The following CNTN5 variants were observed in gnomAD, a reference collection of about 807,000 sequenced individuals.
CNTN5 encodes the protein contactin 5.
CNTN5 carries 77 observed loss-of-function variants against 129.1 expected under a neutral mutation model. That is an observed-to-expected ratio of 0.60 (90% CI 0.50 to 0.72). The LOEUF is 0.72. CNTN5 is among the 30% of genes least tolerant of loss of function. The probability of loss-of-function intolerance (pLI) is 0.00; values close to 1 mark genes in which losing one functional copy is unlikely to be tolerated. For missense variants in CNTN5, 1,478 were observed against 1,328.8 expected (o/e 1.11, Z -1.75); for synonymous variants, 509 against 465.6 (o/e 1.09, Z -1.20).
chr11:100,148,397 A>G (rs1157602387), intron 13 of CNTN5, among the ~76,000 whole-genome samples: 1 of 152,216 alleles, frequency 6.6e-6, no homozygotes, highest in Non-Finnish European at 1.5e-5. Flanking sequence ...CTCATGTTTC[A>G]ATGTGAAAGA....
chr11:99,331,844 A>G (rs1866011884), intron 2 of CNTN5, among the ~76,000 whole-genome samples: 1 of 152,130 alleles, frequency 6.6e-6, no homozygotes, highest in African/African-American at 2.4e-5. Flanking sequence ...TTGAATTAAC[A>G]AAAGGAATAG....
chr11:99,054,822 A>G (rs1355685392), intron 1 of CNTN5, among the ~76,000 whole-genome samples: 1 of 151,920 alleles, frequency 6.6e-6, no homozygotes, highest in Non-Finnish European at 1.5e-5. Flanking sequence ...CTTGAATAAT[A>G]TGTTTTTCTA....
intron 21 of CNTN5, among the ~76,000 whole-genome samples, chr11:100,332,124 T>A (rs1951917982): frequency 6.6e-6 from 1 of 151,888 alleles, no homozygotes; most frequent in South Asian, 2.1e-4. Flanking sequence ...AAGATCCAAA[T>A]AAGTTCAATT....
intron 6 of CNTN5, among the ~76,000 whole-genome samples, chr11:99,910,319 T>C (rs1241450826): frequency 6.6e-6 from 1 of 152,084 alleles, no homozygotes; most frequent in African/African-American, 2.4e-5. Context: ...CATTCAACAC[T>C]CACATTTTTA....
At chr11:99,628,219 TTAG>T (rs894660084) in intron 3 of CNTN5, among the ~76,000 whole-genome samples, 11 of 148,670 alleles carry the variant, frequency 7.4e-5, no homozygotes, top group African/African-American at 2.3e-4. Context: ...ACTAGGAAAC[TTAG>T]TAGTAGTATT....
intron 7 of CNTN5, among the ~76,000 whole-genome samples, chr11:99,934,037 T>C (rs1950252149): frequency 6.6e-6 from 1 of 152,246 alleles, no homozygotes; most frequent in African/African-American, 2.4e-5. Context: ...TATCATTCTA[T>C]GTTTGAAAAT....
intron 15 of CNTN5, among the ~76,000 whole-genome samples, chr11:100,202,828 C>T (rs1948814407): frequency 6.6e-6 from 1 of 151,954 alleles, no homozygotes; most frequent in Non-Finnish European, 1.5e-5. Context: ...CTAATGAAGA[C>T]CTGAGCAACA....
chr11:99,220,023 A>C (rs376534626), intron 1 of CNTN5, among the ~76,000 whole-genome samples: 1 of 151,998 alleles, frequency 6.6e-6, no homozygotes, highest in Non-Finnish European at 1.5e-5. Context: ...GAAAATGGCA[A>C]TACATAGATC....
At chr11:99,358,160 C>T (rs1284652591) in intron 2 of CNTN5, among the ~76,000 whole-genome samples, 1 of 138,380 alleles carries the variant, frequency 7.2e-6, no homozygotes, top group Non-Finnish European at 1.6e-5. Context: ...GCGATCTCGG[C>T]TCACTGCAAG....
intron 3 of CNTN5, among the ~76,000 whole-genome samples, chr11:99,628,611 G>GACACACACACACAC (rs10607009): frequency 2.0e-5 from 3 of 147,146 alleles, no homozygotes; most frequent in Non-Finnish European, 4.5e-5. Context: ...GCTAAATAAT[G>GACACACACACACAC]ACACACACAC....
Position 99,021,188 on chromosome 11 carries a change from C to G in CNTN5, c.-292C>G, listed in dbSNP as rs1862856605. ...CAAAGGACCCGAGGAACCGCTCTCT[C>G]TGAACTGTGCTGATGGGCAGGAGGA... On this transcript the variant is annotated 5_prime_UTR_variant, in exon 1 of 25. Transcript: ENST00000524871. 6.6e-6 allele frequency: 1 copy of G among 152,460 alleles called. No homozygotes were observed. The highest frequency in any genetic ancestry group is 2.4e-5 in the African/African-American group (1 of 41,458). The allele number at this position is 152,460 out of a possible 1,614,324, so 9.4% of individuals were successfully genotyped here. A position where few individuals can be genotyped will look rare whatever the true frequency, so the allele number is the denominator to read the frequency against.
At chr11:99,990,453 T>TACACAC (rs550501632) in intron 8 of CNTN5, among the ~76,000 whole-genome samples, 8,904 of 143,930 alleles carry the variant, frequency 0.062, 565 homozygotes, top group African/African-American at 0.16. Context: ...AATATATATA[T>TACACAC]ATACACACAC....
intron 1 of CNTN5, among the ~76,000 whole-genome samples, chr11:99,053,316 T>C (rs141472750): frequency 7.9e-5 from 12 of 152,022 alleles, no homozygotes; most frequent in Non-Finnish European, 1.2e-4. Context: ...TCGACTTTCA[T>C]AGGAAAGAAA....
At chr11:100,103,340 T>C (rs1024654574) in intron 13 of CNTN5, among the ~76,000 whole-genome samples, 3 of 152,154 alleles carry the variant, frequency 2.0e-5, no homozygotes, top group Admixed American at 1.3e-4. Flanking sequence ...CTGATTCTAG[T>C]ATTTTGCCTA....
intron 2 of CNTN5, among the ~76,000 whole-genome samples, chr11:99,462,360 CTTTTT>C (rs72276833): frequency 1.6e-5 from 2 of 125,278 alleles, no homozygotes; most frequent in South Asian, 5.3e-4. Context: ...CTTTTCTTTT[CTTTTT>C]TTTTTTTTTT....
intron 9 of CNTN5, among the ~76,000 whole-genome samples, chr11:100,036,121 A>C (rs898080964): frequency 6.6e-6 from 1 of 152,030 alleles, no homozygotes; most frequent in Non-Finnish European, 1.5e-5. Context: ...TAAGTCTTTA[A>C]TCCATCTTGA....
intron 8 of CNTN5, among the ~76,000 whole-genome samples, chr11:99,962,604 G>T (rs1336014607): frequency 6.6e-6 from 1 of 150,922 alleles, no homozygotes; most frequent in Non-Finnish European, 1.5e-5. Flanking sequence ...TGTGAATAAT[G>T]CCGCAATAAA....
At chr11:100,047,669 GA>G (rs1049355832) in intron 9 of CNTN5, among the ~76,000 whole-genome samples, 41 of 152,164 alleles carry the variant, frequency 2.7e-4, no homozygotes, top group African/African-American at 9.2e-4. Context: ...CAACTTGATT[GA>G]AATCAGGGAT....
chr11:99,763,068 C>T (rs917078199), intron 3 of CNTN5, among the ~76,000 whole-genome samples: 2 of 152,106 alleles, frequency 1.3e-5, no homozygotes, highest in African/African-American at 2.4e-5. Context: ...TACGATTTTC[C>T]ATCTCTCTGT....
Sources: allele counts gnomAD v4.1 joint callset (sites outside exome capture counted in the v4.1 genomes callset), GRCh38; gene constraint gnomAD v4.1.1; transcripts MANE v1.5; gene names NCBI Gene and HGNC (gene_info 2026-07-23, HGNC 2026-07-21).